Variants in GRK5 observed in about 807,000 individuals in gnomAD.
The protein encoded by GRK5 is G protein-coupled receptor kinase 5.
In GRK5, 40 loss-of-function variants were observed where a neutral mutation model predicts 78.4. The ratio of observed to expected loss-of-function variants is 0.51; its 90% CI spans 0.40 to 0.66. GRK5 has a LOEUF of 0.66. Among genes scored for constraint, GRK5 ranks in the 30% least tolerant of loss-of-function variants. GRK5 has a pLI of 0.00. For synonymous variants in GRK5, 289 were observed against 296.8 expected (o/e 0.97, Z 0.27); for missense variants, 598 against 759.9 (o/e 0.79, Z 2.50).
In GRK5 at chr10:119,264,670, T is replaced by C. The variant is rs1187977422; in HGVS notation, c.52+56701T>C. Among the ~76,000 whole-genome samples the C allele has an allele frequency of 2.0e-5, 3 of 152,122 alleles. No individual in the cohort carries two copies. Among genetic ancestry groups the C allele is most frequent in the Admixed American group, 1.3e-4 (2 of 15,282 alleles). On this transcript the variant is annotated intron_variant, in intron 1 of 15. Transcript: ENST00000392870. The surrounding 1 kb of genome is among the most constrained non-coding windows in gnomAD (Gnocchi z 4.1). ...ACAGGGGTTCACGTTCTGTGCTTCG[T>C]GAGATCTGAGTCCTGTGTGGGTAGC...
intron 1 of GRK5, among the ~76,000 whole-genome samples, chr10:119,212,090 G>A (rs1848497238): frequency 6.6e-6 from 1 of 151,898 alleles, no homozygotes; most frequent in Non-Finnish European, 1.5e-5. Context: ...CCTGGTTAAG[G>A]CAGCTCGGTG....
chr10:119,400,785 T>C (rs746381773), intron 4 of GRK5, among the ~76,000 whole-genome samples: 17 of 152,188 alleles, frequency 1.1e-4, no homozygotes, highest in Non-Finnish European at 2.4e-4. Flanking sequence ...CAAGAGGCCA[T>C]CTGGGGAACA....
intron 1 of GRK5, among the ~76,000 whole-genome samples, chr10:119,222,654 C>T (rs1202662402): frequency 6.6e-6 from 1 of 152,050 alleles, no homozygotes; most frequent in Non-Finnish European, 1.5e-5. Flanking sequence ...TAGTCCAGAG[C>T]CCCACGGCCT....
chr10:119,313,041 G>A (rs1456473396), intron 1 of GRK5, among the ~76,000 whole-genome samples: 25 of 151,410 alleles, frequency 1.7e-4, no homozygotes, highest in East Asian at 1.2e-3. Flanking sequence ...AGTGGTGATG[G>A]TGGTGGTGGT....
At chr10:119,392,127 G>A (rs569245833) in intron 3 of GRK5, among the ~76,000 whole-genome samples, 23 of 152,346 alleles carry the variant, frequency 1.5e-4, no homozygotes, top group Non-Finnish European at 3.2e-4. Context: ...GATTGATGAT[G>A]CAATTAGGGC....
At chr10:119,394,184 G>GTA (rs1851944578) in intron 3 of GRK5, among the ~76,000 whole-genome samples, 1 of 144,440 alleles carries the variant, frequency 6.9e-6, no homozygotes, top group Non-Finnish European at 1.5e-5. Flanking sequence ...GTGTGTGGGT[G>GTA]TCTGTGTATG....
chr10:119,357,876 C>T (rs561305594), intron 2 of GRK5, among the ~76,000 whole-genome samples: 13 of 152,268 alleles, frequency 8.5e-5, no homozygotes, highest in African/African-American at 1.7e-4. Flanking sequence ...CTTCCTGACT[C>T]GGATGCCTTG....
At chr10:119,373,942 G>A (rs1247185380) in intron 2 of GRK5, among the ~76,000 whole-genome samples, 1 of 152,170 alleles carries the variant, frequency 6.6e-6, no homozygotes, top group Non-Finnish European at 1.5e-5. Context: ...GAGACCATAT[G>A]GCCCTCAAAC....
chr10:119,444,196 C>A (rs909229607), intron 12 of GRK5, among the ~76,000 whole-genome samples: 8 of 152,066 alleles, frequency 5.3e-5, no homozygotes, highest in African/African-American at 1.9e-4. Context: ...GGGGTGGGGG[C>A]GACGATTTCA....
chr10:119,396,804 G>C (rs1852062326), intron 4 of GRK5, 32 bp downstream of exon 4: 4 of 1,536,522 alleles, frequency 2.6e-6, no homozygotes, highest in Non-Finnish European at 3.6e-6. Context: ...ACAGCAGGTG[G>C]CACAGGAGGC....
intron 1 of GRK5, among the ~76,000 whole-genome samples, chr10:119,313,078 T>TCGTGAC (rs1850406526): frequency 4.1e-5 from 3 of 72,304 alleles, no homozygotes; most frequent in Admixed American, 1.4e-4. Context: ...GTGATGGTGG[T>TCGTGAC]GGTGGTGGTG....
In GRK5 at chr10:119,452,911, A is replaced by T. The variant is rs903205958; in HGVS notation, c.1542+103A>T. The T allele has an allele frequency of 1.5e-6, 2 of 1,363,248 alleles. No homozygotes were observed. Among genetic ancestry groups the T allele is most frequent in the African/African-American group, 1.4e-5 (1 of 70,112 alleles). 84.4% of individuals were successfully genotyped at this position (1,363,248 alleles called of 1,614,324 possible). ...AGTTTGGCGGCAGGAGGCTGAGCGC[A>T]TGGTTTCTGTTTTCTCCATGAAGGC... On this transcript the variant is annotated intron_variant, in intron 14 of 15. Transcript: ENST00000392870. This position sits in a 1 kb window ranked among gnomAD's most constrained non-coding sequence, Gnocchi z 4.4.
At chr10:119,333,922 C>T (rs574325309) in intron 2 of GRK5, 50 of 499,634 alleles carry the variant, frequency 1.0e-4, no homozygotes, top group African/African-American at 8.5e-4. Flanking sequence ...ATCCCCACTT[C>T]CCTGGAGGAA....
intron 1 of GRK5, among the ~76,000 whole-genome samples, chr10:119,318,030 C>A (rs537323993): frequency 6.6e-6 from 1 of 151,960 alleles, no homozygotes; most frequent in Non-Finnish European, 1.5e-5. Flanking sequence ...TGGCTCCCAG[C>A]GATGCTGATG....
intron 2 of GRK5, among the ~76,000 whole-genome samples, chr10:119,359,304 C>T (rs1489008300): frequency 1.3e-5 from 2 of 152,194 alleles, no homozygotes; most frequent in Non-Finnish European, 2.9e-5. Context: ...GGGAACCCCA[C>T]ATGTAATCCA....
intron 4 of GRK5, among the ~76,000 whole-genome samples, chr10:119,397,729 C>T (rs890676651): frequency 6.6e-6 from 1 of 152,252 alleles, no homozygotes; most frequent in Non-Finnish European, 1.5e-5. Flanking sequence ...ACCTCTTGCA[C>T]CAAATGTAGC....
At chr10:119,297,733 G>A (rs141629252) in intron 1 of GRK5, among the ~76,000 whole-genome samples, 303 of 152,286 alleles carry the variant, frequency 2.0e-3, no homozygotes, top group African/African-American at 7.0e-3. Context: ...GTGATGTAGC[G>A]CGAAGGCCCT....
intron 4 of GRK5, among the ~76,000 whole-genome samples, chr10:119,417,391 C>T (rs1014479730): frequency 3.3e-5 from 5 of 152,200 alleles, no homozygotes; most frequent in Non-Finnish European, 5.9e-5. Flanking sequence ...GCCTGTGAAG[C>T]GGCAGTTGAC....
chr10:119,274,172 C>A (rs892322018), intron 1 of GRK5, among the ~76,000 whole-genome samples: 2 of 152,128 alleles, frequency 1.3e-5, no homozygotes, highest in African/African-American at 2.4e-5. Context: ...TGGTCCCAAC[C>A]CACCCATGCC....
Sources: allele counts gnomAD v4.1 joint callset (sites outside exome capture counted in the v4.1 genomes callset), GRCh38; gene constraint gnomAD v4.1.1; non-coding constraint Gnocchi (gnomAD v3.1); transcripts MANE v1.5; gene names NCBI Gene and HGNC (gene_info 2026-07-23, HGNC 2026-07-21).